CHD2: variants seen among roughly 807,000 people sequenced by gnomAD.
The protein encoded by CHD2 is ATP-dependent chromatin remodeler CHD2.
A neutral mutation model predicts 243.9 loss-of-function variants in CHD2; 28 were observed. That is an observed-to-expected ratio of 0.11 (90% CI 0.09 to 0.16). The LOEUF (loss-of-function observed/expected upper bound fraction) is 0.16. Among genes scored for constraint, CHD2 ranks in the 10% least tolerant of loss-of-function variants. The pLI is 1.00. For synonymous variants in CHD2, 775 were observed against 779.0 expected (o/e 0.99, Z 0.09); for missense variants, 1,386 against 2,209.8 (o/e 0.63, Z 7.47).
At chr15:92,925,521 AAC>A (rs1461355267) in intron 3 of CHD2, among the ~76,000 whole-genome samples, 2 of 152,248 alleles carry the variant, frequency 1.3e-5, no homozygotes, top group African/African-American at 4.8e-5. Flanking sequence ...TTGATGTAGT[AAC>A]ACTGAAATGA....
intron 5 of CHD2, among the ~76,000 whole-genome samples, chr15:92,930,307 A>G (rs1328433357): frequency 6.6e-6 from 1 of 152,136 alleles, no homozygotes; most frequent in Admixed American, 6.5e-5. Context: ...AAATGGTGCT[A>G]TGCTTGAATT....
intron 16 of CHD2, among the ~76,000 whole-genome samples, chr15:92,965,552 G>A (rs529632342): frequency 2.4e-5 from 3 of 125,982 alleles, no homozygotes; most frequent in African/African-American, 6.6e-5. Context: ...CGACAGAGCC[G>A]AGACTCTTTC....
Position 92,997,084 on chromosome 15 carries a change from A to G in CHD2, c.3723A>G (p.Glu1241=). ...MLHKSIPVDP[E]EKKKYCLTCR... is the part of the protein sequence containing the mutation. ...ATAAATCTATCCCTGTGGACCCTGA[A>G]GAAAAAAAAAAGTGAGTATATTTTG... is the stretch of plus-strand genomic sequence containing the variant. The change falls in exon 29 of 39, where the codon GAA becomes GAG. Residue 1241 remains glutamate (E), a synonymous_variant. Transcript: ENST00000394196. This position sits in a 1 kb window ranked among gnomAD's most constrained non-coding sequence, Gnocchi z 4.1. 1.9e-6 allele frequency: 3 copies of G among 1,606,440 alleles called. No individual in the cohort carries two copies. Among genetic ancestry groups the G allele is most frequent in the Non-Finnish European group, 2.5e-6 (3 of 1,178,164 alleles).
intron 28 of CHD2, among the ~76,000 whole-genome samples, chr15:92,993,659 G>A (rs868095688): frequency 1.4e-4 from 21 of 148,614 alleles, no homozygotes; most frequent in Non-Finnish European, 3.0e-5. Flanking sequence ...GAAACGAAGA[G>A]AGGCCAGGCG....
intron 23 of CHD2, 45 bp from the exon 24 acceptor site, chr15:92,981,320 T>C (rs762288175): frequency 4.2e-6 from 6 of 1,421,920 alleles, no homozygotes; most frequent in South Asian, 1.2e-5. Context: ...AGGCAACTCA[T>C]CTGTTGCCAT....
In CHD2 at chr15:93,025,294, T is replaced by C. The variant is rs2054578156; in HGVS notation, c.*589T>C. The C allele has an allele frequency of 6.5e-6, 1 of 152,810 alleles. No individual in the cohort carries two copies. The highest frequency in any genetic ancestry group is 1.5e-5 in the Non-Finnish European group (1 of 68,242). 9.5% of individuals were successfully genotyped at this position (152,810 alleles called of 1,614,324 possible). On this transcript the variant is annotated 3_prime_UTR_variant, in exon 39 of 39. Coordinates refer to ENST00000394196, the MANE Select transcript of CHD2 (RefSeq NM_001271.4). Reference sequence around the variant, plus strand: ...GGGAGAAGTGATACACTCGGCCTCATTATGTGAAACCTGTGGGTGGGGTTG... The same window carrying C: ...GGGAGAAGTGATACACTCGGCCTCACTATGTGAAACCTGTGGGTGGGGTTG...
rs996174291 is a variant in CHD2, at chr15:92,988,902, T to A, written c.3414-2574T>A. On this transcript the variant is annotated intron_variant, in intron 26 of 38. Coordinates refer to ENST00000394196, the MANE Select transcript of CHD2 (RefSeq NM_001271.4). ...TTTAATTCTCTAGGCAGACTTTTTTTAACTCTTGTAAATATTTATAATAGC... is the reference window on the plus strand; with the variant it reads ...TTTAATTCTCTAGGCAGACTTTTTTAAACTCTTGTAAATATTTATAATAGC... Among the ~76,000 whole-genome samples, 8 of 152,260 alleles carry A rather than the reference T, an allele frequency of 5.3e-5. No homozygotes were observed. The South Asian group carries it at 1.2e-3, about 24-fold the overall frequency.
At chr15:92,976,949 G>A (rs956824558) in intron 20 of CHD2, among the ~76,000 whole-genome samples, 1 of 151,156 alleles carries the variant, frequency 6.6e-6, no homozygotes, top group East Asian at 1.9e-4. Context: ...TCTTATGCTT[G>A]TACCATTTAT....
intron 38 of CHD2, chr15:93,020,514 T>C: frequency 1.7e-6 from 1 of 602,088 alleles, no homozygotes; most frequent in Non-Finnish European, 2.9e-6. Context: ...GAGGTCGCCA[T>C]AAAATATTAG....
intron 17 of CHD2, among the ~76,000 whole-genome samples, chr15:92,969,349 C>T (rs2053809330): frequency 6.6e-6 from 1 of 152,238 alleles, no homozygotes. Context: ...CACCAGCGTT[C>T]CCCGCAATCC....
intron 2 of CHD2, among the ~76,000 whole-genome samples, chr15:92,923,892 G>T (rs773826495): frequency 6.6e-6 from 1 of 152,022 alleles, no homozygotes; most frequent in Non-Finnish European, 1.5e-5. Context: ...TCTGTGTTTT[G>T]TTTTTTTCTT....
At chr15:93,024,221 A>T (rs2054566643) in intron 38 of CHD2, 151 bp from the exon 39 acceptor site, 3 of 694,320 alleles carry the variant, frequency 4.3e-6, no homozygotes, top group Non-Finnish European at 7.3e-6. Context: ...ATAAGTGTAA[A>T]ATGACTCTGT....
chr15:92,976,765 G>A (rs781239313), intron 20 of CHD2, among the ~76,000 whole-genome samples: 3 of 151,684 alleles, frequency 2.0e-5, no homozygotes, highest in African/African-American at 4.8e-5. Flanking sequence ...GCCGTGCATA[G>A]TATTGTGTGC....
intron 5 of CHD2, among the ~76,000 whole-genome samples, chr15:92,931,119 G>A (rs534443612): frequency 6.6e-6 from 1 of 152,294 alleles, no homozygotes; most frequent in Non-Finnish European, 1.5e-5. Context: ...ATAACCTAAT[G>A]TGTGGTCACA....
At chr15:92,940,597 T>G (rs1400564991) in intron 7 of CHD2, among the ~76,000 whole-genome samples, 1 of 151,634 alleles carries the variant, frequency 6.6e-6, no homozygotes, top group African/African-American at 2.4e-5. Context: ...TCATAACTTA[T>G]TCAATGTATC....
intron 28 of CHD2, among the ~76,000 whole-genome samples, chr15:92,994,319 C>G (rs920315085): frequency 6.6e-6 from 1 of 152,164 alleles, no homozygotes; most frequent in African/African-American, 2.4e-5. Context: ...TGGCGTCTGG[C>G]TTGCAATGTT....
chr15:92,953,655 C>T lies in CHD2; in HGVS notation c.1719+82C>T, dbSNP rs2053581254. 4 of 1,290,428 alleles carry T rather than the reference C, an allele frequency of 3.1e-6. 1 individual carries two copies. Among genetic ancestry groups the T allele is most frequent in the South Asian group, 1.2e-5 (1 of 80,278 alleles). The allele number at this position is 1,290,428 out of a possible 1,614,324, so 79.9% of individuals were successfully genotyped here. A position where few individuals can be genotyped will look rare whatever the true frequency, so the allele number is the denominator to read the frequency against. On this transcript the variant is annotated intron_variant, in intron 14 of 38. Coordinates refer to ENST00000394196, the MANE Select transcript of CHD2 (RefSeq NM_001271.4). ...TCACTTAAAGCCTTCAGTAGATCAT[C>T]AGTAAAATTTGTGGTTATTATTCTG...
chr15:93,011,646 T>C (rs2141884729), intron 35 of CHD2, among the ~76,000 whole-genome samples: 1 of 152,202 alleles, frequency 6.6e-6, no homozygotes, highest in Non-Finnish European at 1.5e-5. Context: ...GATATGAGAC[T>C]CCTTTATCTG....
chr15:92,924,310 C>A lies in CHD2; in HGVS notation c.63-11C>A. The A allele has an allele frequency of 6.2e-7, 1 of 1,610,094 alleles. No homozygotes were observed. Among genetic ancestry groups the A allele is most frequent in the Non-Finnish European group, 8.5e-7 (1 of 1,177,096 alleles). ...TAAATATTTTTAAATCTCTCTCTCT[C>A]TCAAAATAAGTCACTCAGCCTCTGA... is the stretch of plus-strand genomic sequence containing the variant. On this transcript the variant is annotated splice_polypyrimidine_tract_variant and intron_variant, in intron 2 of 38. Transcript: ENST00000394196.
Sources: gnomAD v4.1 joint callset for allele counts (sites outside exome capture counted in the v4.1 genomes callset) on GRCh38, gnomAD v4.1.1 for gene constraint, Gnocchi (gnomAD v3.1) non-coding constraint, MANE v1.5 for transcripts, NCBI Gene and HGNC (gene_info 2026-07-23, HGNC 2026-07-21) for gene names.